The following ASIC2 variants were observed in gnomAD, a reference collection of about 807,000 sequenced individuals.
ASIC2 encodes acid sensing ion channel subunit 2.
In ASIC2, 25 loss-of-function variants were observed where a neutral mutation model predicts 57.3. The observed-to-expected ratio is 0.44, with a 90% CI of 0.32 to 0.61. The LOEUF (loss-of-function observed/expected upper bound fraction) is 0.61, where lower values mean the gene tolerates loss of function less well. Among genes scored for constraint, ASIC2 ranks in the 20% least tolerant of loss-of-function variants. The pLI is 0.06. For missense variants in ASIC2, 641 were observed against 738.1 expected (o/e 0.87, Z 1.52); for synonymous variants, 319 against 307.5 (o/e 1.04, Z -0.39).
In ASIC2 at chr17:33,105,603, T is replaced by C. The variant is rs531964851; in HGVS notation, c.859+6314A>G. Among the ~76,000 whole-genome samples the C allele has an allele frequency of 3.3e-5, 5 of 152,176 alleles. No homozygotes were observed. In the South Asian group the frequency reaches 6.2e-4, roughly 19 times the overall value. On this transcript the variant is annotated intron_variant, in intron 2 of 9. Transcript: ENST00000225823. ...TTTGGAACTGGGTAACAGGCAGCAG[T>C]TGGACAAGTTTGGAGGGCTCAGAAG...
At chr17:33,966,340 T>C (rs1382163604) in intron 1 of ASIC2, among the ~76,000 whole-genome samples, 1 of 152,208 alleles carries the variant, frequency 6.6e-6, no homozygotes, top group Non-Finnish European at 1.5e-5. Context: ...CTGTGTGACC[T>C]TGGGTAAATT....
intron 1 of ASIC2, among the ~76,000 whole-genome samples, chr17:33,462,667 G>A (rs1912679689): frequency 1.3e-5 from 2 of 152,224 alleles, no homozygotes; most frequent in South Asian, 4.1e-4. Flanking sequence ...AATACAATCA[G>A]ATAAGATATT....
intron 1 of ASIC2, among the ~76,000 whole-genome samples, chr17:33,465,878 G>C (rs935817801): frequency 1.3e-5 from 2 of 152,174 alleles, no homozygotes; most frequent in African/African-American, 4.8e-5. Context: ...TTCTCTACCA[G>C]AGTATTTTTC....
In ASIC2 at chr17:33,634,555, G is replaced by A. The variant is rs191450889; in HGVS notation, c.555+521423C>T. ...TTTTGAGACAGAGTCTCACTCTGTC[G>A]CCCAGGCTGGAGTGCAGTAGTGCGA... On this transcript the variant is annotated intron_variant, in intron 1 of 9. Transcript: ENST00000359872. Among the ~76,000 whole-genome samples, 1,132 of 128,624 alleles carry A rather than the reference G, an allele frequency of 8.8e-3. 7 individuals carry two copies. Among genetic ancestry groups the A allele is most frequent in the African/African-American group, 0.03 (1,018 of 33,512 alleles). 84.4% of individuals were successfully genotyped at this position (128,624 alleles called of 152,430 possible).
chr17:33,737,907 A>G (rs938550456), intron 1 of ASIC2, among the ~76,000 whole-genome samples: 5 of 152,202 alleles, frequency 3.3e-5, no homozygotes, highest in Admixed American at 3.3e-4. Context: ...CAACTCTTCT[A>G]CTCATTCCAA....
intron 1 of ASIC2, among the ~76,000 whole-genome samples, chr17:33,952,369 G>T (rs140199737): frequency 6.6e-6 from 1 of 152,146 alleles, no homozygotes; most frequent in Non-Finnish European, 1.5e-5. Flanking sequence ...TCTTATATGC[G>T]GTGCTATGTG....
intron 3 of ASIC2, among the ~76,000 whole-genome samples, chr17:33,088,149 A>G (rs1276045837): frequency 1.3e-5 from 2 of 152,160 alleles, no homozygotes; most frequent in African/African-American, 4.8e-5. Flanking sequence ...CTGTCTCTCC[A>G]GTTTTTATTC....
Position 34,156,057 on chromosome 17 carries a change from C to A in ASIC2, c.476G>T (p.Arg159Leu). ...CATATCCTTCAGGTCATGGCCCACA[C>A]GGTGCAGGAACTCCAGCATGCTGAA... Residue 159 changes from arginine to leucine, a missense_variant, in exon 1 of 10, where the codon CGT (arginine) becomes CTT (leucine). By Grantham distance (102) the Arg-to-Leu change is moderately radical. Transcript: ENST00000359872. The surrounding 1 kb of genome is among the most constrained non-coding windows in gnomAD (Gnocchi z 4.4). The A allele has an allele frequency of 1.9e-6, 3 of 1,614,024 alleles. No individual in the cohort carries two copies. Among genetic ancestry groups the A allele is most frequent in the Non-Finnish European group, 2.5e-6 (3 of 1,180,036 alleles).
At chr17:33,447,901 A>G (rs1038937040) in intron 1 of ASIC2, among the ~76,000 whole-genome samples, 1 of 147,160 alleles carries the variant, frequency 6.8e-6, no homozygotes, top group Non-Finnish European at 1.5e-5. Context: ...CGACAGAGCA[A>G]GACTCAGTCT....
At chr17:33,408,143 A>T (rs1337608041) in intron 1 of ASIC2, among the ~76,000 whole-genome samples, 1 of 152,220 alleles carries the variant, frequency 6.6e-6, no homozygotes. Flanking sequence ...CATGCAGGAG[A>T]TGCTGGTGGG....
intron 2 of ASIC2, among the ~76,000 whole-genome samples, chr17:33,111,106 C>T (rs1489016384): frequency 6.6e-6 from 1 of 152,160 alleles, no homozygotes; most frequent in Non-Finnish European, 1.5e-5. Context: ...ATCACACTGC[C>T]TTCTCTTCTG....
At chr17:33,923,737 T>C (rs1232983038) in intron 1 of ASIC2, among the ~76,000 whole-genome samples, 1 of 152,064 alleles carries the variant, frequency 6.6e-6, no homozygotes, top group East Asian at 1.9e-4. Flanking sequence ...GTCAAACAGG[T>C]GTAAAAATGC....
At chr17:33,218,592 C>T (rs569538545) in intron 1 of ASIC2, among the ~76,000 whole-genome samples, 1 of 147,076 alleles carries the variant, frequency 6.8e-6, no homozygotes, top group Admixed American at 6.9e-5. Flanking sequence ...GGAGCATCCA[C>T]TATCATTCTT....
intron 1 of ASIC2, among the ~76,000 whole-genome samples, chr17:33,571,277 T>C (rs776520371): frequency 1.3e-5 from 2 of 152,220 alleles, no homozygotes; most frequent in Non-Finnish European, 2.9e-5. Flanking sequence ...TGTCTGCACA[T>C]CATCCTGTCG....
chr17:33,640,154 A>G (rs1270744728), intron 1 of ASIC2, among the ~76,000 whole-genome samples: 1 of 152,010 alleles, frequency 6.6e-6, no homozygotes, highest in Non-Finnish European at 1.5e-5. Context: ...TTATCTACAT[A>G]ATAAAGATCT....
At chr17:33,725,779 A>C (rs1310852345) in intron 1 of ASIC2, among the ~76,000 whole-genome samples, 6 of 135,014 alleles carry the variant, frequency 4.4e-5, no homozygotes, top group Non-Finnish European at 7.8e-5. Context: ...AACCCTGGCG[A>C]CCTCGCCCCA....
intron 1 of ASIC2, among the ~76,000 whole-genome samples, chr17:33,518,525 C>T (rs998609073): frequency 5.9e-5 from 9 of 152,144 alleles, no homozygotes; most frequent in Non-Finnish European, 1.2e-4. Flanking sequence ...TTCCATTTGC[C>T]GTGTGGCCTC....
chr17:33,546,597 A>T (rs377665451), intron 1 of ASIC2, among the ~76,000 whole-genome samples: 1 of 152,108 alleles, frequency 6.6e-6, no homozygotes, highest in African/African-American at 2.4e-5. Context: ...TCCTGAGCCA[A>T]TGTGAGCCCT....
intron 1 of ASIC2, among the ~76,000 whole-genome samples, chr17:33,210,833 C>T (rs972410090): frequency 1.3e-5 from 2 of 152,174 alleles, no homozygotes; most frequent in Non-Finnish European, 2.9e-5. Flanking sequence ...GGCGGGTACC[C>T]TTGTTTCCCA....
Sources: allele counts gnomAD v4.1 joint callset (sites outside exome capture counted in the v4.1 genomes callset), GRCh38; gene constraint gnomAD v4.1.1; non-coding constraint Gnocchi (gnomAD v3.1); transcripts MANE v1.5; gene names NCBI Gene and HGNC (gene_info 2026-07-23, HGNC 2026-07-21).